VPS41: variants seen among roughly 807,000 people sequenced by gnomAD.
VPS41 encodes the protein vacuolar protein sorting-associated protein 41 homolog.
Under a neutral mutation model 130.9 loss-of-function variants are expected in VPS41, and 85 were observed. That is an observed-to-expected ratio of 0.65 (90% CI 0.55 to 0.78). VPS41 has a LOEUF of 0.78. Ranked by LOEUF, VPS41 falls within the 30% of genes least tolerant of loss-of-function variation. The probability of loss-of-function intolerance (pLI) is 0.00; values close to 1 mark genes in which losing one functional copy is unlikely to be tolerated. For synonymous variants in VPS41, 335 were observed against 332.9 expected, an observed-to-expected ratio of 1.01 and a Z score of -0.07; for missense variants, 874 against 1,018.7, an observed-to-expected ratio of 0.86 and a Z score of 1.93.
chr7:38,741,800 C>T (rs759710328), intron 25 of VPS41, among the ~76,000 whole-genome samples, 185 bp downstream of exon 25: 8 of 152,116 alleles, frequency 5.3e-5, no homozygotes, highest in East Asian at 1.9e-4. Flanking sequence ...TACTGGACAA[C>T]GCAATTTTAA....
intron 2 of VPS41, among the ~76,000 whole-genome samples, chr7:38,882,679 T>G (rs555728973): frequency 6.6e-6 from 1 of 152,294 alleles, no homozygotes; most frequent in African/African-American, 2.4e-5. Flanking sequence ...TCCCCTACCT[T>G]AGTTACAGCA....
intron 22 of VPS41, chr7:38,745,970 T>C (rs1795977717): frequency 5.0e-6 from 1 of 200,914 alleles, no homozygotes; most frequent in South Asian, 1.1e-4. Flanking sequence ...CTGTAGTCAT[T>C]TGTTTAAGCT....
At chr7:38,879,625 G>A (rs1439635869) in intron 2 of VPS41, among the ~76,000 whole-genome samples, 2 of 152,236 alleles carry the variant, frequency 1.3e-5, no homozygotes, top group Middle Eastern at 3.4e-3. Context: ...TCGGTTTGGG[G>A]ATGAAATTGT....
At chr7:38,828,726 C>T (rs1246827688) in intron 5 of VPS41, among the ~76,000 whole-genome samples, 1 of 152,070 alleles carries the variant, frequency 6.6e-6, no homozygotes, top group East Asian at 1.9e-4. Context: ...AAAAATATAT[C>T]ATGGTTCCAC....
chr7:38,795,678 C>T, intron 8 of VPS41, 67 bp from the exon 9 acceptor site: 1 of 1,416,090 alleles, frequency 7.1e-7, no homozygotes, highest in Non-Finnish European at 9.7e-7. Context: ...TTATTAACAG[C>T]CCCTGCTACA....
chr7:38,747,441 A>G (rs1025177369), intron 22 of VPS41, among the ~76,000 whole-genome samples: 14 of 152,246 alleles, frequency 9.2e-5, no homozygotes, highest in Admixed American at 3.3e-4. Context: ...AGTCTGACTA[A>G]TGATAAGCAT....
At chr7:38,823,749 T>C (rs1335281289) in intron 5 of VPS41, among the ~76,000 whole-genome samples, 1 of 152,186 alleles carries the variant, frequency 6.6e-6, no homozygotes. Flanking sequence ...AAACAGGAGA[T>C]AATATAATGT....
intron 1 of VPS41, among the ~76,000 whole-genome samples, chr7:38,900,378 G>C (rs1489188455): frequency 6.6e-6 from 1 of 152,020 alleles, no homozygotes; most frequent in Non-Finnish European, 1.5e-5. Flanking sequence ...ACAAAGAGTA[G>C]AGAATGGCAG....
intron 2 of VPS41, among the ~76,000 whole-genome samples, chr7:38,878,259 T>C (rs572974040): frequency 4.3e-4 from 65 of 152,126 alleles, no homozygotes; most frequent in African/African-American, 1.4e-3. Flanking sequence ...TACAGACAAA[T>C]TGAATATGAG....
chr7:38,814,009 T>C (rs914713641), intron 7 of VPS41, among the ~76,000 whole-genome samples: 2 of 152,210 alleles, frequency 1.3e-5, no homozygotes, highest in Admixed American at 6.5e-5. Context: ...ATTCTACTTA[T>C]CTTATTGCTT....
chr7:38,815,951 T>TAC (rs1317174272), intron 7 of VPS41, among the ~76,000 whole-genome samples: 1 of 151,416 alleles, frequency 6.6e-6, no homozygotes, highest in Non-Finnish European at 1.5e-5. Flanking sequence ...TACACATATA[T>TAC]ACACACACAC....
chr7:38,735,792 T>C (rs1795751231), intron 25 of VPS41, among the ~76,000 whole-genome samples: 1 of 152,154 alleles, frequency 6.6e-6, no homozygotes, highest in Admixed American at 6.5e-5. Context: ...CCATGAGACA[T>C]TAAGGCCTCT....
chr7:38,771,186 T>C lies in VPS41; in HGVS notation c.1185+12A>G. On this transcript the variant is annotated intron_variant, in intron 14 of 28. Coordinates refer to ENST00000310301, the MANE Select transcript of VPS41 (RefSeq NM_014396.4). ...ATAAAATTATGTTTCAAATAACAAA[T>C]TGCACACTTACCAGAATCTTATGTC... 6.4e-7 allele frequency: 1 copy of C among 1,570,580 alleles called. No individual in the cohort carries two copies. The highest frequency in any genetic ancestry group is 8.7e-7 in the Non-Finnish European group (1 of 1,147,284).
At chr7:38,905,931 T>C (rs934288110) in intron 1 of VPS41, among the ~76,000 whole-genome samples, 4 of 151,484 alleles carry the variant, frequency 2.6e-5, no homozygotes, top group African/African-American at 7.3e-5. Context: ...GTAGCTGGGA[T>C]TACAGGCGCC....
chr7:38,757,608 C>T (rs1450958874), intron 18 of VPS41, among the ~76,000 whole-genome samples: 3 of 152,120 alleles, frequency 2.0e-5, no homozygotes, highest in Non-Finnish European at 4.4e-5. Context: ...ACACAACCTC[C>T]TCTTGTGGAA....
intron 19 of VPS41, among the ~76,000 whole-genome samples, chr7:38,755,922 G>A (rs548360778): frequency 3.1e-4 from 47 of 152,168 alleles, no homozygotes; most frequent in Non-Finnish European, 4.7e-4. Context: ...GTAATTCTTC[G>A]TAAATCTGTA....
intron 1 of VPS41, among the ~76,000 whole-genome samples, chr7:38,906,933 A>C (rs1446911214): frequency 6.6e-6 from 1 of 152,118 alleles, no homozygotes; most frequent in African/African-American, 2.4e-5. Context: ...CCTGAATTTC[A>C]ATTTGTTTAT....
chr7:38,770,767 TG>T (rs1784138591), intron 14 of VPS41, among the ~76,000 whole-genome samples: 1 of 152,168 alleles, frequency 6.6e-6, no homozygotes, highest in African/African-American at 2.4e-5. Flanking sequence ...GAGTCCAAAA[TG>T]TAATAAAAAT....
At chr7:38,870,537 T>C in intron 2 of VPS41, among the ~76,000 whole-genome samples, 1 of 151,938 alleles carries the variant, frequency 6.6e-6, no homozygotes, top group East Asian at 1.9e-4. Context: ...AAAGGGTGAC[T>C]CCTCTTCAGA....
Sources: gnomAD v4.1 joint callset for allele counts (sites outside exome capture counted in the v4.1 genomes callset) on GRCh38, gnomAD v4.1.1 for gene constraint, MANE v1.5 for transcripts, NCBI Gene and HGNC (gene_info 2026-07-23, HGNC 2026-07-21) for gene names.